Variants in HAAO observed in about 807,000 individuals in gnomAD.
The protein encoded by HAAO is 3-hydroxyanthranilate 3,4-dioxygenase, also known as 3-hydroxyanthranilate oxygenase.
HAAO carries 49 observed loss-of-function variants against 46.2 expected under a neutral mutation model. That is an observed-to-expected ratio of 1.06 (90% CI 0.84 to 1.34). HAAO has a LOEUF of 1.34. Ranked by LOEUF, HAAO falls within the 40% of genes most tolerant of loss-of-function variation. The pLI, the probability that HAAO is intolerant of heterozygous loss-of-function variation, is 0.00. For missense variants in HAAO, 408 were observed against 364.5 expected (o/e 1.12, Z -0.97); for synonymous variants, 157 against 145.2 (o/e 1.08, Z -0.58).
intron 4 of HAAO, among the ~76,000 whole-genome samples, chr2:42,780,453 G>A (rs570906032): frequency 1.1e-4 from 16 of 151,632 alleles, no homozygotes; most frequent in African/African-American, 3.4e-4. Context: ...TGATCCACCC[G>A]CCTCGGCTTC....
At chr2:42,778,049 G>T (rs939447784) in intron 4 of HAAO, among the ~76,000 whole-genome samples, 5 of 152,112 alleles carry the variant, frequency 3.3e-5, no homozygotes, top group Admixed American at 2.6e-4. Flanking sequence ...GTTGAAGAAG[G>T]AGGGATGTTC....
In HAAO at chr2:42,792,574, G is replaced by T; in HGVS notation, c.-38C>A. 2 of 1,429,970 alleles carry T rather than the reference G, an allele frequency of 1.4e-6. No homozygotes were observed. Among genetic ancestry groups the T allele is most frequent in the Non-Finnish European group, 1.9e-6 (2 of 1,064,500 alleles). The allele number at this position is 1,429,970 out of a possible 1,614,324, so 88.6% of individuals were successfully genotyped here. ...CGCCTCCTCGCAGCGCTGTCCTCCC[G>T]CCGTCGGAGGCCCGCAGCTCCGCCC... is the stretch of plus-strand genomic sequence containing the variant. On this transcript the variant is annotated 5_prime_UTR_variant, in exon 1 of 10. Coordinates refer to ENST00000294973, the MANE Select transcript of HAAO (RefSeq NM_012205.3).
intron 1 of HAAO, among the ~76,000 whole-genome samples, chr2:42,790,280 G>A (rs1295045195): frequency 6.6e-6 from 1 of 152,078 alleles, no homozygotes; most frequent in Non-Finnish European, 1.5e-5. Flanking sequence ...TGAGGTTGCA[G>A]GGCAGGAGAA....
chr2:42,788,641 C>A (rs1243731981), intron 1 of HAAO, 34 bp from the exon 2 acceptor site: 1 of 1,293,642 alleles, frequency 7.7e-7, no homozygotes, highest in Non-Finnish European at 1.1e-6. Context: ...ACGTTCTAAA[C>A]CATCTCCTAG....
At position 42,767,624 on chromosome 2, in the gene HAAO, A is replaced by T. The variant is rs1041004137; in HGVS notation, c.753T>A (p.Asp251Glu). Residue 251 changes from aspartate to glutamate, a missense_variant, in exon 9 of 10, where the codon GAT becomes GAA. By Grantham distance (45) the Asp-to-Glu change is conservative (BLOSUM62 2). Coordinates refer to ENST00000294973, the MANE Select transcript of HAAO (RefSeq NM_012205.3). ...MGGRRLSLAP[D>E]DSLLVLAGTS... ...TCCCAGCTAGCACCAGGAGGCTGTCATCAGGGGCCAGGCTCAGGCGCCGTC... is the reference window on the plus strand; with the variant it reads ...TCCCAGCTAGCACCAGGAGGCTGTCTTCAGGGGCCAGGCTCAGGCGCCGTC... 3.2e-6 allele frequency: 5 copies of T among 1,573,404 alleles called. No individual in the cohort carries two copies. Among genetic ancestry groups the T allele is most frequent in the Non-Finnish European group, 4.3e-6 (5 of 1,158,710 alleles).
intron 1 of HAAO, among the ~76,000 whole-genome samples, chr2:42,789,809 C>T (rs912299595): frequency 6.6e-6 from 1 of 152,196 alleles, no homozygotes; most frequent in Non-Finnish European, 1.5e-5. Context: ...GCAAAAAATA[C>T]CTCAGCACCT....
intron 4 of HAAO, among the ~76,000 whole-genome samples, chr2:42,775,249 A>G (rs1274920539): frequency 6.7e-6 from 1 of 150,286 alleles, no homozygotes; most frequent in Non-Finnish European, 1.5e-5. Flanking sequence ...TGTCATGGAA[A>G]AAAAAAAAAA....
At chr2:42,767,789 C>T (rs1277557981) in intron 8 of HAAO, 71 bp downstream of exon 8, 2 of 1,571,414 alleles carry the variant, frequency 1.3e-6, no homozygotes, top group African/African-American at 1.3e-5. Context: ...CGTGTGGGAG[C>T]CCAGGGCCGA....
At position 42,767,395 on chromosome 2, in the gene HAAO, T is replaced by G. The variant is rs1573889877; in HGVS notation, c.*42A>C. ...GTTTGGCAGGGATGGCACTCGAGGG[T>G]GCTTGGCACACCTGTGGCTGCTTCA... On this transcript the variant is annotated 3_prime_UTR_variant, in exon 10 of 10. Coordinates refer to ENST00000294973, the MANE Select transcript of HAAO (RefSeq NM_012205.3). 7.1e-7 allele frequency: 1 copy of G among 1,413,498 alleles called. No homozygotes were observed. The highest frequency in any genetic ancestry group is 1.0e-6 in the Non-Finnish European group (1 of 1,003,342). 87.6% of individuals were successfully genotyped at this position (1,413,498 alleles called of 1,614,324 possible).
intron 2 of HAAO, among the ~76,000 whole-genome samples, chr2:42,784,310 C>T (rs775935393): frequency 6.6e-6 from 1 of 152,158 alleles, no homozygotes; most frequent in Non-Finnish European, 1.5e-5. Flanking sequence ...AAACAAGGCT[C>T]AGAGGGTAAA....
chr2:42,773,078 CAGAATGCTGACAGCG>C (rs1346183062), intron 4 of HAAO, among the ~76,000 whole-genome samples: 14 of 152,160 alleles, frequency 9.2e-5, no homozygotes, highest in Non-Finnish European at 1.6e-4. Context: ...GCCATGGAAT[CAGAATGCTGACAGCG>C]GGGCCTATTT....
chr2:42,782,693 G>A, intron 4 of HAAO: 1 of 231,800 alleles, frequency 4.3e-6, no homozygotes, highest in East Asian at 1.4e-4. Context: ...TGGCATAAAT[G>A]CATATCTGAT....
chr2:42,782,799 C>A, intron 4 of HAAO: 1 of 386,246 alleles, frequency 2.6e-6, no homozygotes, highest in South Asian at 2.0e-5. Context: ...CACTTTGAGT[C>A]TTCCCACCTT....
intron 4 of HAAO, among the ~76,000 whole-genome samples, chr2:42,771,784 TGTCTGCTCTTAAAA>T (rs1671148098): frequency 6.6e-6 from 1 of 152,280 alleles, no homozygotes; most frequent in Admixed American, 6.5e-5. Flanking sequence ...AGGCCAGCTC[TGTCTGCTCTTAAAA>T]GAGATGTGGT....
intron 4 of HAAO, among the ~76,000 whole-genome samples, chr2:42,780,637 T>C (rs942116437): frequency 6.6e-6 from 1 of 152,152 alleles, no homozygotes; most frequent in Non-Finnish European, 1.5e-5. Flanking sequence ...AGGAGTAAAC[T>C]AAGTAAACTG....
intron 4 of HAAO, among the ~76,000 whole-genome samples, chr2:42,773,275 C>T (rs1223297405): frequency 2.0e-5 from 3 of 152,336 alleles, no homozygotes; most frequent in East Asian, 3.9e-4. Flanking sequence ...TGAATAAATA[C>T]ATGCAAAGAC....
chr2:42,784,078 C>A, intron 2 of HAAO: 1 of 480,712 alleles, frequency 2.1e-6, no homozygotes, highest in Non-Finnish European at 2.7e-6. Flanking sequence ...CTTGGACATG[C>A]AAGTGATGAC....
intron 4 of HAAO, among the ~76,000 whole-genome samples, chr2:42,771,781 C>T (rs959519930): frequency 6.6e-6 from 1 of 152,248 alleles, no homozygotes; most frequent in African/African-American, 2.4e-5. Flanking sequence ...CCCAGGCCAG[C>T]TCTGTCTGCT....
chr2:42,770,089 C>A, intron 6 of HAAO, 54 bp downstream of exon 6: 1 of 1,533,324 alleles, frequency 6.5e-7, no homozygotes, highest in Admixed American at 1.8e-5. Context: ...CAAAACCCAT[C>A]CTATTTTGGA....
Sources: gnomAD v4.1 joint callset for allele counts (sites outside exome capture counted in the v4.1 genomes callset) on GRCh38, gnomAD v4.1.1 for gene constraint, MANE v1.5 for transcripts, NCBI Gene and HGNC (gene_info 2026-07-23, HGNC 2026-07-21) for gene names.